ETHE1: variants seen among roughly 807,000 people sequenced by gnomAD.
ETHE1 encodes ETHE1 persulfide dioxygenase, also known as persulfide dioxygenase ETHE1, mitochondrial.
A neutral mutation model predicts 25.7 loss-of-function variants in ETHE1; 16 were observed. The ratio of observed to expected loss-of-function variants is 0.62; its 90% CI spans 0.42 to 0.95. ETHE1 has a LOEUF of 0.95. Among genes scored for constraint, ETHE1 ranks in the 40% least tolerant of loss-of-function variants. ETHE1 has a pLI of 0.00. For missense variants in ETHE1, 300 were observed against 333.6 expected (o/e 0.90, Z 0.79); for synonymous variants, 139 against 135.9 (o/e 1.02, Z -0.16).
chr19:43,526,363 G>A lies in ETHE1; in HGVS notation c.227-14C>T. 1 of 1,614,098 alleles carries A rather than the reference G, an allele frequency of 6.2e-7. No homozygotes were observed. The highest frequency in any genetic ancestry group is 8.5e-7 in the Non-Finnish European group (1 of 1,179,990). On this transcript the variant is annotated splice_polypyrimidine_tract_variant and intron_variant, in intron 2 of 6. Coordinates refer to ENST00000292147, the MANE Select transcript of ETHE1 (RefSeq NM_014297.5). ...AGTGGGTATTCACTGGGAGAGAGAG[G>A]AGGGACAGGTCCGGAGGGTACAGAA...
chr19:43,521,535 T>C (rs1972138877), intron 3 of ETHE1, among the ~76,000 whole-genome samples: 1 of 151,626 alleles, frequency 6.6e-6, no homozygotes, highest in Non-Finnish European at 1.5e-5. Flanking sequence ...TGAAACAGCC[T>C]CAAGAGGAAG....
rs892985657 is a variant in ETHE1, at chr19:43,506,898, A to G, written c.717T>C (p.Phe239=). 3 of 1,613,894 alleles carry G rather than the reference A, an allele frequency of 1.9e-6. No homozygotes were observed. The highest frequency in any genetic ancestry group is 2.5e-6 in the Non-Finnish European group (3 of 1,179,894). ...CACAGCGCATGTTGGCTGGAACAGC[A>G]AAGTCTGAAAGGAAGAAATCAAGGT... is the stretch of plus-strand genomic sequence containing the variant. ...LNLPKPQQID[F]AVPANMRCGV... is the part of the protein sequence containing the mutation. The change falls in exon 7 of 7, where the codon TTT becomes TTC. Residue 239 remains phenylalanine (F), a synonymous_variant. Coordinates refer to ENST00000292147, the MANE Select transcript of ETHE1 (RefSeq NM_014297.5).
chr19:43,519,105 G>A (rs1173225836), intron 3 of ETHE1, among the ~76,000 whole-genome samples: 1 of 146,912 alleles, frequency 6.8e-6, no homozygotes, highest in Non-Finnish European at 1.5e-5. Flanking sequence ...TACCTCCTGG[G>A]TGTTCAAGTG....
intron 3 of ETHE1, among the ~76,000 whole-genome samples, chr19:43,515,992 T>C (rs537061877): frequency 1.3e-5 from 2 of 152,144 alleles, no homozygotes; most frequent in South Asian, 4.1e-4. Flanking sequence ...ATGTCCTGAG[T>C]GGGATGGTGT....
chr19:43,525,334 A>G (rs1972219999), intron 3 of ETHE1, among the ~76,000 whole-genome samples: 1 of 152,144 alleles, frequency 6.6e-6, no homozygotes, highest in Admixed American at 6.6e-5. Flanking sequence ...CTCTTCCCAC[A>G]CACAGCCCTC....
intron 3 of ETHE1, among the ~76,000 whole-genome samples, chr19:43,524,006 C>T (rs1002399145): frequency 1.3e-5 from 2 of 151,542 alleles, no homozygotes; most frequent in Non-Finnish European, 2.9e-5. Flanking sequence ...GAGGCCAGGG[C>T]GCGCGGATCA....
intron 3 of ETHE1, among the ~76,000 whole-genome samples, chr19:43,517,937 A>G (rs7248927): frequency 0.17 from 25,227 of 149,162 alleles, 2,270 homozygotes; most frequent in Non-Finnish European, 0.19. Context: ...GTGACAGAGC[A>G]ACACTCCGTC....
chr19:43,524,640 C>CA (rs989329801), intron 3 of ETHE1, among the ~76,000 whole-genome samples: 1 of 151,770 alleles, frequency 6.6e-6, no homozygotes, highest in African/African-American at 2.4e-5. Context: ...TACAGCTCAA[C>CA]AAAAAATTAA....
Position 43,526,665 on chromosome 19 carries a change from A to G in ETHE1, c.82-6T>C. 1 of 1,613,188 alleles carries G rather than the reference A, an allele frequency of 6.2e-7. No homozygotes were observed. Among genetic ancestry groups the G allele is most frequent in the South Asian group, 1.1e-5 (1 of 91,028 alleles). The stretch of plus-strand genomic sequence containing the variant: ...CAGCTCACAGGCTCGAACATCTGGG[A>G]ACGGGGGACCCAGGTGAGGGCGCAG... On this transcript the variant is annotated splice_region_variant and splice_polypyrimidine_tract_variant and intron_variant, in intron 1 of 6. Transcript: ENST00000292147.
In ETHE1 at chr19:43,524,491, AT is replaced by A. The variant is rs1972201128; in HGVS notation, c.375+1709del. ...GGGGTCTTTTTGGAGTAATGGAAAC[AT>A]TTTCCAATTAATGGTAGTAATGGAT... On this transcript the variant is annotated intron_variant, in intron 3 of 6. Transcript: ENST00000292147. Among the ~76,000 whole-genome samples, 7 of 152,082 alleles carry A rather than the reference AT, an allele frequency of 4.6e-5. No homozygotes were observed. In the South Asian group the frequency reaches 1.5e-3, roughly 32 times the overall value.
chr19:43,526,801 G>GGAGCCCC, intron 1 of ETHE1, 142 bp from the exon 2 acceptor site: 1 of 1,519,330 alleles, frequency 6.6e-7, no homozygotes, highest in Non-Finnish European at 8.9e-7. Flanking sequence ...TCGGGAGTCC[G>GGAGCCCC]GAGCCCCACT....
In ETHE1 at chr19:43,526,579, G is replaced by A. The variant is rs1454201974; in HGVS notation, c.162C>T (p.Val54=). ...ESREAVLIDP[V]LETAPRDAQL... is the part of the protein sequence containing the mutation. ...GGGCATCCCGAGGCGCTGTTTCCAG[G>A]ACTGGGTCGATCAGAACGGCCTCCC... Residue 54 remains valine (V), a synonymous_variant, in exon 2 of 7, where the codon GTC becomes GTT. Coordinates refer to ENST00000292147, the MANE Select transcript of ETHE1 (RefSeq NM_014297.5). 6.2e-7 allele frequency: 1 copy of A among 1,614,046 alleles called. No homozygotes were observed. The highest frequency in any genetic ancestry group is 1.7e-5 in the Admixed American group (1 of 59,986).
intron 3 of ETHE1, among the ~76,000 whole-genome samples, chr19:43,520,400 T>C (rs1232926888): frequency 6.6e-6 from 1 of 151,742 alleles, no homozygotes; most frequent in African/African-American, 2.4e-5. Flanking sequence ...GTTAGAGATG[T>C]ACACTGTAAA....
At chr19:43,517,999 G>A (rs949891069) in intron 3 of ETHE1, among the ~76,000 whole-genome samples, 3 of 146,112 alleles carry the variant, frequency 2.1e-5, no homozygotes, top group African/African-American at 7.6e-5. Flanking sequence ...TTGGGTGACA[G>A]AGCGAGACTG....
At chr19:43,514,719 C>T (rs111266465) in intron 3 of ETHE1, among the ~76,000 whole-genome samples, 5 of 151,984 alleles carry the variant, frequency 3.3e-5, no homozygotes, top group African/African-American at 9.7e-5. Context: ...CTCCTGACCA[C>T]GTGATCCACC....
chr19:43,508,412 A>G (rs1006726694), intron 5 of ETHE1, among the ~76,000 whole-genome samples: 4 of 148,190 alleles, frequency 2.7e-5, no homozygotes, highest in African/African-American at 1.0e-4. Flanking sequence ...TAGTGGTACA[A>G]TCATAGCTCA....
At chr19:43,520,910 A>G (rs1048201999) in intron 3 of ETHE1, among the ~76,000 whole-genome samples, 1 of 152,076 alleles carries the variant, frequency 6.6e-6, no homozygotes, top group Non-Finnish European at 1.5e-5. Flanking sequence ...CTCTGATTCT[A>G]AGGGACCTGG....
intron 3 of ETHE1, among the ~76,000 whole-genome samples, chr19:43,524,301 C>T (rs1263385149): frequency 6.6e-6 from 1 of 151,596 alleles, no homozygotes; most frequent in African/African-American, 2.4e-5. Flanking sequence ...AAGAGAATCA[C>T]TTGAACCCGG....
chr19:43,524,776 C>G (rs1162259657), intron 3 of ETHE1, among the ~76,000 whole-genome samples: 1 of 151,746 alleles, frequency 6.6e-6, no homozygotes, highest in Non-Finnish European at 1.5e-5. Context: ...TGCACTCCAG[C>G]CTGGGTGACA....
Sources: allele counts gnomAD v4.1 joint callset (sites outside exome capture counted in the v4.1 genomes callset), GRCh38; gene constraint gnomAD v4.1.1; transcripts MANE v1.5; gene names NCBI Gene and HGNC (gene_info 2026-07-23, HGNC 2026-07-21).